The following LIPI variants were observed in gnomAD, a reference collection of about 807,000 sequenced individuals.
LIPI encodes the protein lipase member I.
In LIPI, 59 loss-of-function variants were observed where a neutral mutation model predicts 50.6. The observed-to-expected ratio is 1.16, with a 90% CI of 0.94 to 1.45. LIPI has a LOEUF of 1.45. Among genes scored for constraint, LIPI ranks in the 40% most tolerant of loss-of-function variants. The pLI is 0.00. For missense variants in LIPI, 586 were observed against 536.3 expected (o/e 1.09, Z -0.92); for synonymous variants, 203 against 178.2 (o/e 1.14, Z -1.11).
chr21:14,151,656 T>C (rs2018095382), intron 8 of LIPI, among the ~76,000 whole-genome samples: 2 of 152,214 alleles, frequency 1.3e-5, no homozygotes. Flanking sequence ...TATATGGTAG[T>C]GTGCCCGTTT....
chr21:14,131,344 C>G (rs1161299213), intron 9 of LIPI, among the ~76,000 whole-genome samples: 1 of 152,158 alleles, frequency 6.6e-6, no homozygotes, highest in Non-Finnish European at 1.5e-5. Context: ...TCTGCCACCA[C>G]TGGGGTCTGA....
At chr21:14,181,321 G>A (rs1006653092) in intron 4 of LIPI, among the ~76,000 whole-genome samples, 2 of 152,108 alleles carry the variant, frequency 1.3e-5, no homozygotes, top group Non-Finnish European at 2.9e-5. Flanking sequence ...TTACATTTAA[G>A]GAAGACTATT....
chr21:14,183,783 C>T (rs2019356791), intron 3 of LIPI, among the ~76,000 whole-genome samples: 1 of 152,178 alleles, frequency 6.6e-6, no homozygotes, highest in Non-Finnish European at 1.5e-5. Context: ...GAGATACCAT[C>T]TCACACCAGT....
At chr21:14,162,368 G>A (rs2018529569) in intron 7 of LIPI, among the ~76,000 whole-genome samples, 1 of 151,684 alleles carries the variant, frequency 6.6e-6, no homozygotes. Context: ...GTGATGAACT[G>A]TTCAGCAGCT....
At chr21:14,147,387 C>T (rs1322577274) in intron 8 of LIPI, among the ~76,000 whole-genome samples, 1 of 152,084 alleles carries the variant, frequency 6.6e-6, no homozygotes, top group East Asian at 1.9e-4. Flanking sequence ...CATTATGCTA[C>T]AAGCTTAATG....
At chr21:14,186,142 C>T (rs541079856) in intron 2 of LIPI, 73 bp from the exon 3 acceptor site, 49 of 850,290 alleles carry the variant, frequency 5.8e-5, no homozygotes, top group African/African-American at 5.6e-4. Flanking sequence ...CCTCATATAT[C>T]GACATTTCAA....
At chr21:14,209,042 C>A (rs1260420090) in intron 1 of LIPI, among the ~76,000 whole-genome samples, 2 of 152,044 alleles carry the variant, frequency 1.3e-5, no homozygotes, top group East Asian at 3.8e-4. Context: ...CAGAATGAGA[C>A]CCTGTCCAAA....
At chr21:14,188,315 C>A (rs2019524887) in intron 2 of LIPI, among the ~76,000 whole-genome samples, 1 of 152,078 alleles carries the variant, frequency 6.6e-6, no homozygotes, top group Non-Finnish European at 1.5e-5. Context: ...TGCCTGTAAT[C>A]CCAGCACTTT....
intron 4 of LIPI, among the ~76,000 whole-genome samples, chr21:14,178,216 C>T (rs2019158098): frequency 6.6e-6 from 1 of 152,038 alleles, no homozygotes; most frequent in Non-Finnish European, 1.5e-5. Flanking sequence ...GCATTTTGAA[C>T]TTGTAGACTG....
rs755452000 is a variant in LIPI at position 14,186,088 on chromosome 21, G to C, written c.433-19C>G. The C allele has an allele frequency of 3.1e-6, 4 of 1,291,982 alleles. No individual in the cohort carries two copies. Among genetic ancestry groups the C allele is most frequent in the Non-Finnish European group, 2.3e-6 (2 of 886,634 alleles). The allele number at this position is 1,291,982 out of a possible 1,614,324, so 80.0% of individuals were successfully genotyped here. ...CATGCTTCTGCAATTAAAGAGAAAG[G>C]CAATATTACAGTATTCATTTCAAGT... On this transcript the variant is annotated intron_variant, in intron 2 of 9. Transcript: ENST00000681601.
In LIPI at chr21:14,200,393, G is replaced by C. The variant is rs539652762; in HGVS notation, c.46+10407C>G. ...AAATGCCTCTTAAATTGATAAAGAA[G>C]AACTTCAGCAAAGTCTTAGGATACA... is the stretch of plus-strand genomic sequence containing the variant. On this transcript the variant is annotated intron_variant, in intron 1 of 9. Transcript: ENST00000681601. 2.6e-5 allele frequency among the ~76,000 whole-genome samples: 4 copies of C among 151,970 alleles called. No individual in the cohort carries two copies. The East Asian group carries it at 7.7e-4, about 29-fold the overall frequency.
intron 1 of LIPI, among the ~76,000 whole-genome samples, chr21:14,209,072 C>A (rs73347921): frequency 6.6e-6 from 1 of 152,084 alleles, no homozygotes; most frequent in East Asian, 1.9e-4. Context: ...AATTTCTGAC[C>A]CTTGCAATAT....
chr21:14,196,870 A>G (rs532057373), intron 1 of LIPI, among the ~76,000 whole-genome samples: 1 of 152,270 alleles, frequency 6.6e-6, no homozygotes, highest in South Asian at 2.1e-4. Context: ...AAATGTGTGT[A>G]CATTTTATTG....
intron 4 of LIPI, among the ~76,000 whole-genome samples, chr21:14,171,580 A>C (rs1568865839): frequency 6.6e-6 from 1 of 150,682 alleles, no homozygotes; most frequent in Non-Finnish European, 1.5e-5. Context: ...CAACTATCTG[A>C]TCTTTGACAA....
intron 4 of LIPI, among the ~76,000 whole-genome samples, chr21:14,168,321 C>G (rs12482153): frequency 1.3e-5 from 2 of 152,020 alleles, no homozygotes; most frequent in Non-Finnish European, 2.9e-5. Flanking sequence ...CTTCCCCAAT[C>G]TAGCGAGGAA....
intron 9 of LIPI, among the ~76,000 whole-genome samples, chr21:14,121,687 C>A (rs1189183642): frequency 6.6e-6 from 1 of 152,184 alleles, no homozygotes; most frequent in African/African-American, 2.4e-5. Context: ...GTAATCATGT[C>A]TACCCCTACC....
intron 9 of LIPI, among the ~76,000 whole-genome samples, chr21:14,118,346 G>A (rs373883199): frequency 4.4e-4 from 67 of 152,200 alleles, no homozygotes; most frequent in South Asian, 3.3e-3. Flanking sequence ...AAATTGGGCC[G>A]TTATCAAAAG....
In LIPI at chr21:14,166,457, A is replaced by G. The variant is rs369405102; in HGVS notation, c.644-6T>C. ...GGGCTCTTGAATGCCTAAACCTGAG[A>G]AGAAAGGCACCCAAGAATCACAACA... On this transcript the variant is annotated splice_region_variant and splice_polypyrimidine_tract_variant and intron_variant, in intron 4 of 9. Transcript: ENST00000681601. The G allele has an allele frequency of 7.8e-5, 118 of 1,508,672 alleles. No homozygotes were observed. Among genetic ancestry groups the G allele is most frequent in the Non-Finnish European group, 9.6e-5 (104 of 1,084,204 alleles). The allele number at this position is 1,508,672 out of a possible 1,614,324, so 93.5% of individuals were successfully genotyped here. A position where few individuals can be genotyped will look rare whatever the true frequency, so the allele number is the denominator to read the frequency against.
intron 8 of LIPI, among the ~76,000 whole-genome samples, chr21:14,151,563 A>G (rs1438130381): frequency 1.3e-5 from 2 of 152,174 alleles, no homozygotes; most frequent in Non-Finnish European, 2.9e-5. Flanking sequence ...ATCACTAGAT[A>G]TGGTGTCTGT....
Sources: allele counts gnomAD v4.1 joint callset (sites outside exome capture counted in the v4.1 genomes callset), GRCh38; gene constraint gnomAD v4.1.1; transcripts MANE v1.5; gene names NCBI Gene and HGNC (gene_info 2026-07-23, HGNC 2026-07-21).